CACNA2D3: variants seen among roughly 807,000 people sequenced by gnomAD.
The protein encoded by CACNA2D3 is calcium voltage-gated channel auxiliary subunit alpha2delta 3.
CACNA2D3 carries 60 observed loss-of-function variants against 160.6 expected under a neutral mutation model. The observed-to-expected ratio is 0.37, with a 90% CI of 0.30 to 0.46. CACNA2D3 has a LOEUF of 0.46. Ranked by LOEUF, CACNA2D3 falls within the 20% of genes least tolerant of loss-of-function variation. The pLI is 1.00. For synonymous variants in CACNA2D3, 558 were observed against 492.9 expected, an observed-to-expected ratio of 1.13 and a Z score of -1.75; for missense variants, 1,205 against 1,365.0, an observed-to-expected ratio of 0.88 and a Z score of 1.85.
chr3:54,246,885 C>T (rs989608674), intron 2 of CACNA2D3, among the ~76,000 whole-genome samples: 1 of 152,194 alleles, frequency 6.6e-6, no homozygotes, highest in Admixed American at 6.5e-5. Flanking sequence ...ATTAATTTCA[C>T]TTAACAACAA....
chr3:54,731,237 T>TA (rs1485262152), intron 11 of CACNA2D3, among the ~76,000 whole-genome samples: 18 of 152,144 alleles, frequency 1.2e-4, no homozygotes, highest in African/African-American at 4.3e-4. Flanking sequence ...TCTAAGTAAT[T>TA]AGGAAAGATA....
At chr3:54,895,086 G>A (rs1175492314) in intron 25 of CACNA2D3, among the ~76,000 whole-genome samples, 1 of 152,076 alleles carries the variant, frequency 6.6e-6, no homozygotes, top group Non-Finnish European at 1.5e-5. Flanking sequence ...ATGTCAGACC[G>A]TTTTTGACCT....
At chr3:54,894,056 G>A (rs1460288360) in intron 25 of CACNA2D3, among the ~76,000 whole-genome samples, 5 of 152,028 alleles carry the variant, frequency 3.3e-5, no homozygotes, top group African/African-American at 1.2e-4. Context: ...TTCCCATTTT[G>A]TAGATGAGTA....
Position 54,213,057 on chromosome 3 carries a change from G to A in CACNA2D3, c.204+89463G>A, listed in dbSNP as rs576376405. Among the ~76,000 whole-genome samples the A allele has an allele frequency of 2.0e-5, 3 of 152,242 alleles. No homozygotes were observed. The East Asian group carries it at 5.8e-4, about 29-fold the overall frequency. On this transcript the variant is annotated intron_variant, in intron 2 of 37. Transcript: ENST00000474759. ...CTTCTGAGCTGATGAGCCAAGGTCAGAATCTCCACCATCAATTGTTTATTG... is the reference window on the plus strand; with the variant it reads ...CTTCTGAGCTGATGAGCCAAGGTCAAAATCTCCACCATCAATTGTTTATTG...
At chr3:54,132,790 T>C (rs560575142) in intron 2 of CACNA2D3, among the ~76,000 whole-genome samples, 109 of 152,156 alleles carry the variant, frequency 7.2e-4, no homozygotes, top group Non-Finnish European at 1.2e-3. Flanking sequence ...GTGACGACAA[T>C]CTGGGTTTGA....
At chr3:54,292,288 T>C (rs1703226572) in intron 2 of CACNA2D3, among the ~76,000 whole-genome samples, 2 of 152,104 alleles carry the variant, frequency 1.3e-5, no homozygotes, top group African/African-American at 2.4e-5. Context: ...TCTTAGATAA[T>C]GACAGCAAAA....
chr3:54,836,479 C>T (rs191245942), intron 14 of CACNA2D3, among the ~76,000 whole-genome samples: 26 of 152,264 alleles, frequency 1.7e-4, no homozygotes, highest in Admixed American at 1.5e-3. Flanking sequence ...CATGATCTGC[C>T]TGCCTTGGCC....
At chr3:54,140,309 GT>G (rs1699900156) in intron 2 of CACNA2D3, among the ~76,000 whole-genome samples, 2 of 152,214 alleles carry the variant, frequency 1.3e-5, no homozygotes, top group Admixed American at 1.3e-4. Context: ...GATGCAGTGG[GT>G]GCTCTAAGGA....
At chr3:54,598,399 C>T (rs1230239433) in intron 9 of CACNA2D3, among the ~76,000 whole-genome samples, 1 of 149,614 alleles carries the variant, frequency 6.7e-6, no homozygotes, top group Non-Finnish European at 1.5e-5. Context: ...CCCAGTGGGG[C>T]TCTGTTATTA....
chr3:54,627,240 T>G (rs1296222802), intron 9 of CACNA2D3, among the ~76,000 whole-genome samples: 1 of 152,130 alleles, frequency 6.6e-6, no homozygotes, highest in Non-Finnish European at 1.5e-5. Context: ...CAGTGAAAGG[T>G]GGATCTGAGT....
intron 5 of CACNA2D3, among the ~76,000 whole-genome samples, chr3:54,544,185 A>T (rs1702025846): frequency 1.3e-5 from 2 of 152,218 alleles, no homozygotes; most frequent in South Asian, 4.1e-4. Context: ...CCATATATAG[A>T]TGATAAGTAC....
At chr3:54,543,415 A>G (rs955703917) in intron 5 of CACNA2D3, among the ~76,000 whole-genome samples, 1 of 152,204 alleles carries the variant, frequency 6.6e-6, no homozygotes, top group Non-Finnish European at 1.5e-5. Flanking sequence ...TTAACAGCGG[A>G]TATTTTTGTT....
At chr3:55,014,301 C>T (rs571418306) in intron 34 of CACNA2D3, among the ~76,000 whole-genome samples, 5 of 152,254 alleles carry the variant, frequency 3.3e-5, no homozygotes, top group South Asian at 2.1e-4. Context: ...GTGGGACCCA[C>T]GGCAGGCAGT....
intron 8 of CACNA2D3, among the ~76,000 whole-genome samples, chr3:54,570,821 A>G (rs79755912): frequency 0.023 from 3,519 of 152,218 alleles, 50 homozygotes; most frequent in Non-Finnish European, 0.038. Context: ...TAGCCTGGAA[A>G]TGACCACTTA....
At chr3:54,735,083 C>A (rs866986482) in intron 11 of CACNA2D3, among the ~76,000 whole-genome samples, 4 of 152,210 alleles carry the variant, frequency 2.6e-5, no homozygotes, top group African/African-American at 7.2e-5. Context: ...TAAAGAAGAT[C>A]AAAAATACTG....
In CACNA2D3 at chr3:54,933,056, CCTTCCTTCCTTCCTTCCTTCCTT is replaced by C. The variant is rs1701236689; in HGVS notation, c.2449+33190_2449+33212del. Among the ~76,000 whole-genome samples, 13 of 6,902 alleles carry C rather than the reference CCTTCCTTCCTTCCTTCCTTCCTT, an allele frequency of 1.9e-3. 1 individual carries two copies. The highest frequency in any genetic ancestry group is 2.8e-3 in the African/African-American group (11 of 3,866). 4.5% of individuals were successfully genotyped at this position (6,902 alleles called of 152,430 possible). A position where few individuals can be genotyped will look rare whatever the true frequency, so the allele number is the denominator to read the frequency against. ...TCTTCCATCCATCCATCCCTCCCTT[CCTTCCTTCCTTCCTTCCTTCCTT>C]CCTTCCTTCCTTCCTTCCTTCCTTC... On this transcript the variant is annotated intron_variant, in intron 27 of 37. Transcript: ENST00000474759.
At chr3:54,254,228 T>G (rs1227486300) in intron 2 of CACNA2D3, among the ~76,000 whole-genome samples, 2 of 152,174 alleles carry the variant, frequency 1.3e-5, no homozygotes, top group Non-Finnish European at 2.9e-5. Flanking sequence ...GCTTTGGGTT[T>G]GCCAGTGGTG....
rs77180394 is a variant in CACNA2D3 at position 55,023,216 on chromosome 3, C to T, written c.2987+4899C>T. On this transcript the variant is annotated intron_variant, in intron 35 of 37. Transcript: ENST00000474759. ...TTTGTAGGTAGTCTGACCTCTCCCC[C>T]GTTTCGGATGGCTTTTACAGTGTTC... Among the ~76,000 whole-genome samples, 587 of 152,240 alleles carry T rather than the reference C, an allele frequency of 3.9e-3. 2 individuals are homozygous for T. In the East Asian group the frequency reaches 0.039, roughly 10 times the overall value.
At chr3:55,023,096 T>C (rs1242386522) in intron 35 of CACNA2D3, among the ~76,000 whole-genome samples, 1 of 152,146 alleles carries the variant, frequency 6.6e-6, no homozygotes, top group Non-Finnish European at 1.5e-5. Flanking sequence ...ATCCCAAATT[T>C]AGTATGTACT....
Sources: allele counts gnomAD v4.1 joint callset (sites outside exome capture counted in the v4.1 genomes callset), GRCh38; gene constraint gnomAD v4.1.1; transcripts MANE v1.5; gene names NCBI Gene and HGNC (gene_info 2026-07-23, HGNC 2026-07-21).